NELL1: variants seen among roughly 807,000 people sequenced by gnomAD.
NELL1 encodes protein kinase C-binding protein NELL1.
In NELL1, 76 loss-of-function variants were observed where a neutral mutation model predicts 107.4. That is an observed-to-expected ratio of 0.71 (90% CI 0.59 to 0.86). The LOEUF is 0.86. Among genes scored for constraint, NELL1 ranks in the 40% least tolerant of loss-of-function variants. The pLI is 0.00. For synonymous variants in NELL1, 353 were observed against 341.2 expected (o/e 1.03, Z -0.38); for missense variants, 1,024 against 1,005.5 (o/e 1.02, Z -0.25).
At chr11:21,467,120 CAA>C (rs769173979) in intron 15 of NELL1, among the ~76,000 whole-genome samples, 23 of 151,950 alleles carry the variant, frequency 1.5e-4, no homozygotes, top group East Asian at 7.8e-4. Context: ...ACTTGTTTAC[CAA>C]GAGAGAGAAC....
intron 3 of NELL1, among the ~76,000 whole-genome samples, chr11:20,842,114 T>C (rs781037960): frequency 6.6e-6 from 1 of 152,126 alleles, no homozygotes; most frequent in Non-Finnish European, 1.5e-5. Context: ...CGGTGGCTCA[T>C]GCCTCTAATC....
chr11:21,135,482 A>C (rs916870821), intron 13 of NELL1, among the ~76,000 whole-genome samples: 1 of 152,146 alleles, frequency 6.6e-6, no homozygotes, highest in African/African-American at 2.4e-5. Flanking sequence ...TTCATGATGC[A>C]CTTGAGCCCA....
intron 5 of NELL1, among the ~76,000 whole-genome samples, chr11:20,905,438 T>C (rs1849974749): frequency 6.6e-6 from 1 of 152,104 alleles, no homozygotes; most frequent in Non-Finnish European, 1.5e-5. Context: ...TAGAAACTAT[T>C]CCTGAGGAAG....
chr11:21,030,757 G>A (rs1852936531), intron 12 of NELL1, among the ~76,000 whole-genome samples: 2 of 151,340 alleles, frequency 1.3e-5, no homozygotes, highest in Admixed American at 1.3e-4. Flanking sequence ...GTAGCAATGT[G>A]TTCATTTAGA....
At chr11:21,504,384 T>C (rs1855228374) in intron 15 of NELL1, among the ~76,000 whole-genome samples, 1 of 152,206 alleles carries the variant, frequency 6.6e-6, no homozygotes, top group Non-Finnish European at 1.5e-5. Context: ...GATGTACATG[T>C]GGAAGCTCAG....
At chr11:20,704,011 C>A (rs980208088) in intron 2 of NELL1, among the ~76,000 whole-genome samples, 1 of 152,140 alleles carries the variant, frequency 6.6e-6, no homozygotes, top group Admixed American at 6.5e-5. Context: ...CTGTAGATGT[C>A]TATTAGGTCC....
At chr11:21,417,975 A>G (rs1376119840) in intron 15 of NELL1, among the ~76,000 whole-genome samples, 3 of 152,116 alleles carry the variant, frequency 2.0e-5, no homozygotes, top group African/African-American at 7.2e-5. Context: ...GAGGCTCACC[A>G]TGTCCCAAGC....
chr11:20,820,911 A>AT (rs1857736490), intron 3 of NELL1, among the ~76,000 whole-genome samples: 1 of 152,110 alleles, frequency 6.6e-6, no homozygotes, highest in African/African-American at 2.4e-5. Flanking sequence ...ATATATATTT[A>AT]TTTTGTTTCT....
At position 21,560,335 on chromosome 11, in the gene NELL1, C is replaced by T; in HGVS notation, c.1933C>T (p.Gln645Ter). 1 of 1,608,476 alleles carries T rather than the reference C, an allele frequency of 6.2e-7. No homozygotes were observed. The highest frequency in any genetic ancestry group is 8.5e-7 in the Non-Finnish European group (1 of 1,177,430). ...PHEGGLKHNG[Q>*]VWTLKEDRCS... ...TGAAGGGGGGCTGAAGCACAATGGC[C>T]AGGTGTGGACCTTGAAAGAAGACAG... The change falls in exon 17 of 20, where the codon CAG becomes TAG. Residue 645 changes from glutamine (Q) to a stop codon, truncating the protein, a stop_gained. Coordinates refer to ENST00000357134, the MANE Select transcript of NELL1 (RefSeq NM_006157.5). LOFTEE classifies it high-confidence loss of function.
chr11:20,877,833 A>G (rs962556408), intron 4 of NELL1, among the ~76,000 whole-genome samples: 3 of 152,172 alleles, frequency 2.0e-5, no homozygotes, highest in African/African-American at 4.8e-5. Context: ...CAAAATTCCT[A>G]TAATTCTCCC....
intron 19 of NELL1, among the ~76,000 whole-genome samples, chr11:21,574,535 A>C (rs1329374718): frequency 6.6e-6 from 1 of 151,876 alleles, no homozygotes; most frequent in Non-Finnish European, 1.5e-5. Context: ...GATTTTATGC[A>C]AACCTTACTG....
chr11:21,393,670 TA>T (rs1289862966), intron 15 of NELL1, among the ~76,000 whole-genome samples: 1 of 151,700 alleles, frequency 6.6e-6, no homozygotes, highest in Non-Finnish European at 1.5e-5. Context: ...GCTTATTTTC[TA>T]GTACAGTAGA....
chr11:21,051,996 G>C (rs757362698), intron 12 of NELL1, among the ~76,000 whole-genome samples: 1 of 152,058 alleles, frequency 6.6e-6, no homozygotes, highest in East Asian at 1.9e-4. Context: ...TCAGGGAGAC[G>C]GGAAATGCTG....
At chr11:21,481,853 G>A (rs141848024) in intron 15 of NELL1, among the ~76,000 whole-genome samples, 10 of 152,230 alleles carry the variant, frequency 6.6e-5, no homozygotes, top group African/African-American at 9.6e-5. Context: ...CCATAGCTCC[G>A]CTGGTAGAGG....
At chr11:20,748,394 G>T (rs1856051294) in intron 2 of NELL1, among the ~76,000 whole-genome samples, 1 of 152,152 alleles carries the variant, frequency 6.6e-6, no homozygotes, top group South Asian at 2.1e-4. Context: ...ATTAGCTTAA[G>T]TATCTATAAA....
At chr11:21,258,033 A>G (rs1858813780) in intron 14 of NELL1, among the ~76,000 whole-genome samples, 2 of 152,062 alleles carry the variant, frequency 1.3e-5, no homozygotes, top group Non-Finnish European at 2.9e-5. Flanking sequence ...GTCTCACTGT[A>G]AGTGCTCAAC....
At chr11:21,383,554 G>A (rs1042475786) in intron 15 of NELL1, among the ~76,000 whole-genome samples, 9 of 151,494 alleles carry the variant, frequency 5.9e-5, no homozygotes, top group Non-Finnish European at 1.5e-5. Flanking sequence ...ATCTTAAACT[G>A]CAGCCCATTC....
At chr11:21,574,920 T>C in intron 19 of NELL1, 52 bp from the exon 20 acceptor site, 2 of 1,504,410 alleles carry the variant, frequency 1.3e-6, no homozygotes, top group Non-Finnish European at 1.8e-6. Flanking sequence ...TGCAGACTGC[T>C]AATTTATATT....
At chr11:21,402,357 G>T (rs1038151971) in intron 15 of NELL1, among the ~76,000 whole-genome samples, 1 of 151,750 alleles carries the variant, frequency 6.6e-6, no homozygotes, top group African/African-American at 2.4e-5. Context: ...AAGATTTAAA[G>T]CAAGAGACCC....
Sources: gnomAD v4.1 joint callset for allele counts (sites outside exome capture counted in the v4.1 genomes callset) on GRCh38, gnomAD v4.1.1 for gene constraint, MANE v1.5 for transcripts, NCBI Gene and HGNC (gene_info 2026-07-23, HGNC 2026-07-21) for gene names.